GPHN: variants seen among roughly 807,000 people sequenced by gnomAD.
GPHN encodes gephyrin.
A neutral mutation model predicts 95.5 loss-of-function variants in GPHN; 17 were observed. The observed-to-expected ratio is 0.18, with a 90% CI of 0.12 to 0.27. GPHN has a LOEUF of 0.27. GPHN is among the 10% of genes least tolerant of loss of function. GPHN has a pLI of 1.00. For synonymous variants in GPHN, 320 were observed against 322.5 expected (o/e 0.99, Z 0.08); for missense variants, 660 against 978.1 (o/e 0.67, Z 4.34).
At chr14:67,700,819 G>A in the GPHN span, among the ~76,000 whole-genome samples, 1 of 151,924 alleles carries the variant, frequency 6.6e-6, no homozygotes, top group Non-Finnish European at 1.5e-5. Context: ...GAGGTCAGGA[G>A]TTTAAGACCA....
chr14:66,932,444 G>GTTTTTTTTTTTT lies in GPHN; in HGVS notation c.828+8177_828+8188dup, dbSNP rs35159325. On this transcript the variant is annotated intron_variant, in intron 8 of 22. Coordinates refer to ENST00000478722, the MANE Select transcript of GPHN (RefSeq NM_020806.5). ...AGGTGGGGAATCCTGCCAAGACCAG[G>GTTTTTTTTTTTT]TTTTTTTTTTTTTTTTTTTTTTTTT... 1.5e-3 allele frequency among the ~76,000 whole-genome samples: 37 copies of GTTTTTTTTTTTT among 24,392 alleles called. 11 individuals are homozygous for GTTTTTTTTTTTT. Among genetic ancestry groups the GTTTTTTTTTTTT allele is most frequent in the Non-Finnish European group, 2.3e-3 (32 of 13,732 alleles). The allele number at this position is 24,392 out of a possible 152,430, so 16.0% of individuals were successfully genotyped here.
chr14:66,519,730 A>G (rs969338200), intron 1 of GPHN, among the ~76,000 whole-genome samples: 1 of 152,136 alleles, frequency 6.6e-6, no homozygotes, highest in African/African-American at 2.4e-5. Flanking sequence ...CTAACTCTGT[A>G]GCATATTTTG....
chr14:67,071,153 A>G (rs1159670927), intron 11 of GPHN, among the ~76,000 whole-genome samples: 4 of 152,330 alleles, frequency 2.6e-5, no homozygotes, highest in African/African-American at 7.2e-5. Context: ...AAAGGATTAT[A>G]AATGATGCTG....
At chr14:67,624,309 T>C in the GPHN span, among the ~76,000 whole-genome samples, 1 of 152,214 alleles carries the variant, frequency 6.6e-6, no homozygotes, top group African/African-American at 2.4e-5. Context: ...AGTGACACCA[T>C]TGAAAATGGT....
chr14:66,681,812 C>T (rs541689986), intron 2 of GPHN, among the ~76,000 whole-genome samples: 15 of 151,946 alleles, frequency 9.9e-5, no homozygotes, highest in African/African-American at 3.4e-4. Context: ...TGCATACTAT[C>T]TATGAACATA....
chr14:66,556,019 A>G (rs1042016365), intron 1 of GPHN, among the ~76,000 whole-genome samples: 15 of 152,296 alleles, frequency 9.8e-5, no homozygotes, highest in African/African-American at 2.4e-4. Flanking sequence ...GTTATAGCCT[A>G]TTGCTCTTAG....
At chr14:67,579,888 C>T in the GPHN span, 1 of 1,585,800 alleles carries the variant, frequency 6.3e-7, no homozygotes, top group African/African-American at 1.3e-5. Context: ...TGACAGCCTC[C>T]CACTAAGCCA....
chr14:66,762,370 A>G (rs902782096), intron 2 of GPHN, among the ~76,000 whole-genome samples: 1 of 152,170 alleles, frequency 6.6e-6, no homozygotes, highest in African/African-American at 2.4e-5. Context: ...ATACAAACTG[A>G]TTATATTCCA....
At chr14:66,856,855 A>G (rs941104159) in intron 4 of GPHN, among the ~76,000 whole-genome samples, 9 of 152,256 alleles carry the variant, frequency 5.9e-5, no homozygotes, top group East Asian at 1.9e-4. Flanking sequence ...GTAAATCACA[A>G]AAGATTATAT....
chr14:67,338,900 G>T, the GPHN span: 14 of 604,438 alleles, frequency 2.3e-5, no homozygotes, highest in East Asian at 7.6e-5. Context: ...TTCATTTTCA[G>T]TAATTTATTT....
the GPHN span, chr14:67,221,638 T>C: frequency 8.1e-7 from 1 of 1,237,970 alleles, no homozygotes. Context: ...TAATCAGCAA[T>C]GGCCTAGGTT....
the GPHN span, among the ~76,000 whole-genome samples, chr14:67,666,885 T>C: frequency 7.2e-5 from 11 of 152,350 alleles, no homozygotes; most frequent in South Asian, 2.1e-3. Context: ...TCCCAGAGTA[T>C]AGCCTTTAAC....
At chr14:66,739,153 A>G (rs559317594) in intron 2 of GPHN, among the ~76,000 whole-genome samples, 10 of 152,012 alleles carry the variant, frequency 6.6e-5, no homozygotes, top group Non-Finnish European at 1.0e-4. Context: ...TGAGCCTAGA[A>G]TGAATTTGCA....
chr14:67,735,127 A>G, the GPHN span: 4 of 800,760 alleles, frequency 5.0e-6, no homozygotes, highest in South Asian at 2.7e-5. Flanking sequence ...AATGATAGGC[A>G]TGGGTGTTGA....
the GPHN span, chr14:67,676,807 T>C: frequency 1.3e-5 from 2 of 152,242 alleles, no homozygotes; most frequent in Non-Finnish European, 2.9e-5. Flanking sequence ...TTCTTTTGAC[T>C]GTAATCAAAC....
chr14:66,900,837 CT>C (rs1478760050), intron 5 of GPHN, among the ~76,000 whole-genome samples: 1 of 151,992 alleles, frequency 6.6e-6, no homozygotes, highest in African/African-American at 2.4e-5. Context: ...ATGAATAGTG[CT>C]GCAGTAAATG....
chr14:66,741,821 C>T (rs1005918071), intron 2 of GPHN, among the ~76,000 whole-genome samples: 1 of 152,170 alleles, frequency 6.6e-6, no homozygotes, highest in African/African-American at 2.4e-5. Context: ...GGATAAAGTC[C>T]TTTGAGTTGG....
At chr14:66,904,848 G>A (rs2153550788) in intron 5 of GPHN, among the ~76,000 whole-genome samples, 1 of 152,208 alleles carries the variant, frequency 6.6e-6, no homozygotes, top group Admixed American at 6.5e-5. Context: ...CTGCTTTTAG[G>A]ATTCTGTCTT....
chr14:66,949,993 G>GAAAAAAA (rs71129809), intron 8 of GPHN, among the ~76,000 whole-genome samples: 15 of 57,800 alleles, frequency 2.6e-4, no homozygotes, highest in East Asian at 1.4e-3. Flanking sequence ...TTTAGGACAG[G>GAAAAAAA]AAAAAAAAAA....
Sources: gnomAD v4.1 joint callset for allele counts (sites outside exome capture counted in the v4.1 genomes callset) on GRCh38, gnomAD v4.1.1 for gene constraint, MANE v1.5 for transcripts, NCBI Gene and HGNC (gene_info 2026-07-23, HGNC 2026-07-21) for gene names.